ETFDH: variants seen among roughly 807,000 people sequenced by gnomAD.
ETFDH encodes the protein electron transfer flavoprotein-ubiquinone oxidoreductase, mitochondrial.
A neutral mutation model predicts 73.2 loss-of-function variants in ETFDH; 61 were observed. The ratio of observed to expected loss-of-function variants is 0.83; its 90% CI spans 0.68 to 1.03. The LOEUF is 1.03. Ranked by LOEUF, ETFDH falls within the 50% of genes least tolerant of loss-of-function variation. The pLI, the probability that ETFDH is intolerant of heterozygous loss-of-function variation, is 0.00. For missense variants in ETFDH, 685 were observed against 745.0 expected (o/e 0.92, Z 0.94); for synonymous variants, 243 against 253.3 (o/e 0.96, Z 0.39).
chr4:158,680,727 A>C, intron 2 of ETFDH, 120 bp downstream of exon 2: 1 of 836,326 alleles, frequency 1.2e-6, no homozygotes, highest in Non-Finnish European at 2.0e-6. Flanking sequence ...TTGTGGCTTT[A>C]CCAAGTCACA....
chr4:158,675,743 T>C (rs1346155774), intron 1 of ETFDH, among the ~76,000 whole-genome samples: 1 of 151,620 alleles, frequency 6.6e-6, no homozygotes, highest in Non-Finnish European at 1.5e-5. Flanking sequence ...CATTCCACCC[T>C]TGGTGACAGA....
chr4:158,674,213 A>G (rs1414314345), intron 1 of ETFDH, among the ~76,000 whole-genome samples: 1 of 152,170 alleles, frequency 6.6e-6, no homozygotes, highest in Non-Finnish European at 1.5e-5. Flanking sequence ...GTTCTAGAAT[A>G]TCTTTATGTA....
At position 158,682,303 on chromosome 4, in the gene ETFDH, A is replaced by G. The variant is rs1580396806; in HGVS notation, c.284A>G (p.Glu95Gly). The change falls in exon 3 of 13, where the codon GAA (glutamate) becomes GGA (glycine). Residue 95 changes from glutamate to glycine, a missense_variant. Transcript: ENST00000511912. Reference protein sequence around the residue: ...VRLKQLAVAHEKDIRVCLVEK... With the variant: ...VRLKQLAVAHGKDIRVCLVEK... The stretch of plus-strand genomic sequence containing the variant: ...CTAAAACAGTTGGCTGTGGCACATG[A>G]AAAGGACATCCGTGTGTGTCTAGTG... 6.2e-7 allele frequency: 1 copy of G among 1,614,170 alleles called. No homozygotes were observed. Among genetic ancestry groups the G allele is most frequent in the Non-Finnish European group, 8.5e-7 (1 of 1,180,008 alleles).
At chr4:158,704,858 C>T (rs1774565468) in intron 10 of ETFDH, among the ~76,000 whole-genome samples, 1 of 152,110 alleles carries the variant, frequency 6.6e-6, no homozygotes, top group African/African-American at 2.4e-5. Context: ...ACAGAAAGGG[C>T]AAAGGGTACT....
intron 1 of ETFDH, chr4:158,680,197 C>A (rs893881033): frequency 1.4e-5 from 5 of 345,464 alleles, no homozygotes; most frequent in African/African-American, 1.0e-4. Flanking sequence ...TTATACTACT[C>A]CATATTACTC....
At chr4:158,679,338 G>T (rs1020075781) in intron 1 of ETFDH, 1 of 152,016 alleles carries the variant, frequency 6.6e-6, no homozygotes, top group African/African-American at 2.4e-5. Context: ...CAAAATTGAA[G>T]CTCAGAAGGG....
At chr4:158,699,244 G>A in intron 9 of ETFDH, 114 bp downstream of exon 9, 1 of 917,334 alleles carries the variant, frequency 1.1e-6, no homozygotes, top group South Asian at 1.4e-5. Context: ...GGAAAAGTAT[G>A]TAGAGTTTAT....
At chr4:158,699,837 A>G (rs1774411613) in intron 9 of ETFDH, among the ~76,000 whole-genome samples, 1 of 152,152 alleles carries the variant, frequency 6.6e-6, no homozygotes. Flanking sequence ...AATCTTCTCA[A>G]ATATAATGTA....
chr4:158,696,347 A>C (rs923650489), intron 7 of ETFDH, among the ~76,000 whole-genome samples: 1 of 152,040 alleles, frequency 6.6e-6, no homozygotes, highest in Non-Finnish European at 1.5e-5. Flanking sequence ...CTCTACTGAA[A>C]ATTTAAAAAT....
chr4:158,695,321 G>A (rs1580411591), intron 6 of ETFDH, among the ~76,000 whole-genome samples, 176 bp from the exon 7 acceptor site: 2 of 152,226 alleles, frequency 1.3e-5, no homozygotes, highest in South Asian at 4.1e-4. Flanking sequence ...TTTTAAGTGA[G>A]AAGAGTAAGA....
chr4:158,680,805 A>G (rs954319173), intron 2 of ETFDH, among the ~76,000 whole-genome samples, 198 bp downstream of exon 2: 1 of 152,076 alleles, frequency 6.6e-6, no homozygotes, highest in African/African-American at 2.4e-5. Flanking sequence ...ATTATAATGG[A>G]GCTGAAAATT....
chr4:158,703,157 A>G (rs1774509898), intron 9 of ETFDH, among the ~76,000 whole-genome samples: 1 of 152,248 alleles, frequency 6.6e-6, no homozygotes, highest in Admixed American at 6.5e-5. Context: ...TGCTTCAGTC[A>G]TAAATCTGTC....
chr4:158,699,232 T>G (rs1774396199), intron 9 of ETFDH, 102 bp downstream of exon 9: 1 of 982,534 alleles, frequency 1.0e-6, no homozygotes, highest in Non-Finnish European at 1.6e-6. Context: ...AATATTGGAA[T>G]AGGAAAAGTA....
chr4:158,676,012 G>T (rs1773703312), intron 1 of ETFDH, among the ~76,000 whole-genome samples: 1 of 152,112 alleles, frequency 6.6e-6, no homozygotes, highest in Non-Finnish European at 1.5e-5. Context: ...CCGCCCAACA[G>T]GTTCTCCTTG....
intron 8 of ETFDH, among the ~76,000 whole-genome samples, 179 bp from the exon 9 acceptor site, chr4:158,698,808 T>G (rs567732948): frequency 3.3e-5 from 5 of 152,346 alleles, no homozygotes; most frequent in Middle Eastern, 6.8e-3. Context: ...TACCTTTTCT[T>G]TTCCAAACAG....
chr4:158,673,280 G>T (rs1449528215), intron 1 of ETFDH, among the ~76,000 whole-genome samples: 2 of 152,188 alleles, frequency 1.3e-5, no homozygotes, highest in Non-Finnish European at 1.5e-5. Context: ...TCCAGCCTAG[G>T]TGAAAGAGCC....
chr4:158,686,327 C>T (rs183442114), intron 5 of ETFDH, among the ~76,000 whole-genome samples: 37 of 152,204 alleles, frequency 2.4e-4, no homozygotes, highest in Non-Finnish European at 3.8e-4. Flanking sequence ...AAAAACATAC[C>T]GCATTTGTTT....
chr4:158,688,175 C>T lies in ETFDH; in HGVS notation c.607-2173C>T, dbSNP rs566336327. Among the ~76,000 whole-genome samples, 46 of 152,222 alleles carry T rather than the reference C, an allele frequency of 3.0e-4. 2 individuals are homozygous for T. In the South Asian group the frequency reaches 8.5e-3, roughly 28 times the overall value. On this transcript the variant is annotated intron_variant, in intron 5 of 12. Transcript: ENST00000511912. The stretch of plus-strand genomic sequence containing the variant: ...TTGGGAGGCCCAGGTGGGCGGATCA[C>T]GAGGTCAAGAGATCGAGACCATCCT...
At position 158,708,863 on chromosome 4, in the gene ETFDH, T is replaced by C. The variant is rs1183739745; in HGVS notation, c.*336T>C. ...ATATATATTCTAGACTAAAGTTTTA[T>C]TGAAACACAGCCATACCCATTGGTT... On this transcript the variant is annotated 3_prime_UTR_variant, in exon 13 of 13. Coordinates refer to ENST00000511912, the MANE Select transcript of ETFDH (RefSeq NM_004453.4). 2 of 276,412 alleles carry C rather than the reference T, an allele frequency of 7.2e-6. No individual in the cohort carries two copies. The highest frequency in any genetic ancestry group is 1.4e-5 in the Non-Finnish European group (2 of 142,876). 17.1% of individuals were successfully genotyped at this position (276,412 alleles called of 1,614,324 possible). A position where few individuals can be genotyped will look rare whatever the true frequency, so the allele number is the denominator to read the frequency against.
Sources: gnomAD v4.1 joint callset for allele counts (sites outside exome capture counted in the v4.1 genomes callset) on GRCh38, gnomAD v4.1.1 for gene constraint, MANE v1.5 for transcripts, NCBI Gene and HGNC (gene_info 2026-07-23, HGNC 2026-07-21) for gene names.